The following PEX7 variants were observed in gnomAD, a reference collection of about 807,000 sequenced individuals.
The protein encoded by PEX7 is PTS2 receptor.
A neutral mutation model predicts 47.5 loss-of-function variants in PEX7; 34 were observed. The ratio of observed to expected loss-of-function variants is 0.72; its 90% CI spans 0.54 to 0.95. The LOEUF (loss-of-function observed/expected upper bound fraction) is 0.95. Ranked by LOEUF, PEX7 falls within the 40% of genes least tolerant of loss-of-function variation. The pLI is 0.00. For missense variants in PEX7, 394 were observed against 400.3 expected (o/e 0.98, Z 0.13); for synonymous variants, 141 against 148.8 (o/e 0.95, Z 0.38).
intron 8 of PEX7, among the ~76,000 whole-genome samples, chr6:136,879,246 G>C (rs1206549165): frequency 6.6e-6 from 1 of 151,966 alleles, no homozygotes; most frequent in African/African-American, 2.4e-5. Flanking sequence ...TTATTCCTAA[G>C]TTTCCCTCAT....
intron 8 of PEX7, among the ~76,000 whole-genome samples, chr6:136,894,975 C>T (rs1275749623): frequency 2.6e-5 from 4 of 152,112 alleles, no homozygotes; most frequent in Admixed American, 6.5e-5. Context: ...TTTACTTACG[C>T]GATAGATGCA....
chr6:136,853,809 A>G (rs1415602126), intron 5 of PEX7, among the ~76,000 whole-genome samples: 2 of 152,198 alleles, frequency 1.3e-5, no homozygotes, highest in Non-Finnish European at 2.9e-5. Flanking sequence ...AGTTAATTTA[A>G]GAAAAAATAT....
chr6:136,857,865 C>T (rs528364281), intron 5 of PEX7, among the ~76,000 whole-genome samples: 5 of 152,106 alleles, frequency 3.3e-5, no homozygotes, highest in Non-Finnish European at 5.9e-5. Context: ...CTCTGTTGCC[C>T]GGCTGGAATG....
Position 136,909,423 on chromosome 6 carries a change from C to T in PEX7, c.904-4035C>T, listed in dbSNP as rs532915225. On this transcript the variant is annotated intron_variant, in intron 9 of 9. Coordinates refer to ENST00000318471, the MANE Select transcript of PEX7 (RefSeq NM_000288.4). ...CTTTTTATTATGTGAGGGGCTCTCTCTACTCAACAAAATCTTGCAGTGCTA... is the reference window on the plus strand; with the variant it reads ...CTTTTTATTATGTGAGGGGCTCTCTTTACTCAACAAAATCTTGCAGTGCTA... Among the ~76,000 whole-genome samples the T allele has an allele frequency of 8.5e-5, 13 of 152,298 alleles. No individual in the cohort carries two copies. The South Asian group carries it at 2.5e-3, about 29-fold the overall frequency.
intron 9 of PEX7, among the ~76,000 whole-genome samples, chr6:136,906,163 G>A (rs893420418): frequency 6.6e-6 from 1 of 152,150 alleles, no homozygotes; most frequent in East Asian, 1.9e-4. Context: ...TACGTTAAAG[G>A]TAGGAGCAAG....
intron 8 of PEX7, among the ~76,000 whole-genome samples, chr6:136,885,277 A>T (rs1775450103): frequency 6.6e-6 from 1 of 152,128 alleles, no homozygotes; most frequent in Admixed American, 6.5e-5. Flanking sequence ...TCAGAGTAAC[A>T]CTCCAGTTTC....
chr6:136,826,187 G>C, intron 2 of PEX7, 132 bp from the exon 3 acceptor site: 2 of 969,450 alleles, frequency 2.1e-6, no homozygotes, highest in South Asian at 2.6e-5. Flanking sequence ...TAGTTGTGCA[G>C]ATTACATGAG....
intron 3 of PEX7, among the ~76,000 whole-genome samples, chr6:136,829,062 GA>G (rs1168827497): frequency 1.3e-4 from 20 of 152,162 alleles, no homozygotes. Flanking sequence ...TAGTGTAATA[GA>G]AAACAATTAA....
chr6:136,872,969 A>G (rs978472459), intron 8 of PEX7, among the ~76,000 whole-genome samples: 5 of 152,126 alleles, frequency 3.3e-5, no homozygotes, highest in African/African-American at 1.2e-4. Flanking sequence ...TAGTTTGAAT[A>G]CTATATTCAG....
intron 9 of PEX7, among the ~76,000 whole-genome samples, chr6:136,902,731 A>G (rs1775774594): frequency 6.6e-6 from 1 of 152,104 alleles, no homozygotes; most frequent in African/African-American, 2.4e-5. Context: ...GAATTTCTAT[A>G]TTAGTTTAGA....
At chr6:136,836,283 A>AAT (rs2115150569) in intron 3 of PEX7, among the ~76,000 whole-genome samples, 1 of 152,020 alleles carries the variant, frequency 6.6e-6, no homozygotes, top group Non-Finnish European at 1.5e-5. Context: ...ATATATTATA[A>AAT]ATATATATAG....
intron 5 of PEX7, among the ~76,000 whole-genome samples, chr6:136,864,697 A>T (rs10872462): frequency 0.042 from 6,331 of 152,322 alleles, 146 homozygotes; most frequent in African/African-American, 0.072. Flanking sequence ...AAGATACTTT[A>T]AAAATTTAGC....
At chr6:136,888,418 T>A (rs1234308130) in intron 8 of PEX7, among the ~76,000 whole-genome samples, 1 of 152,186 alleles carries the variant, frequency 6.6e-6, no homozygotes, top group Admixed American at 6.5e-5. Flanking sequence ...TTCTGTGCCT[T>A]CAGATATCTT....
intron 9 of PEX7, among the ~76,000 whole-genome samples, chr6:136,905,042 C>CT (rs1178961456): frequency 2.6e-5 from 4 of 152,134 alleles, no homozygotes; most frequent in African/African-American, 9.7e-5. Flanking sequence ...CCTTTGAAGT[C>CT]TTTTTTATTT....
chr6:136,879,484 T>C (rs1194812200), intron 8 of PEX7, among the ~76,000 whole-genome samples: 3 of 152,240 alleles, frequency 2.0e-5, no homozygotes, highest in Non-Finnish European at 4.4e-5. Flanking sequence ...TTGAGAATTC[T>C]GATGCCAGTC....
chr6:136,891,406 G>A (rs1775552223), intron 8 of PEX7, among the ~76,000 whole-genome samples: 1 of 152,144 alleles, frequency 6.6e-6, no homozygotes, highest in Non-Finnish European at 1.5e-5. Context: ...GGGTATTAGT[G>A]ATTGAGCATT....
At chr6:136,854,510 G>T (rs1031746340) in intron 5 of PEX7, among the ~76,000 whole-genome samples, 1 of 152,144 alleles carries the variant, frequency 6.6e-6, no homozygotes, top group East Asian at 1.9e-4. Flanking sequence ...TAGTATAAAT[G>T]GTAATGAGTT....
chr6:136,856,787 T>C (rs2115193604), intron 5 of PEX7, among the ~76,000 whole-genome samples: 1 of 152,332 alleles, frequency 6.6e-6, no homozygotes, highest in Non-Finnish European at 1.5e-5. Context: ...AAGGGGCCAG[T>C]ATTCACTAAA....
intron 9 of PEX7, among the ~76,000 whole-genome samples, chr6:136,903,626 C>T (rs1401026221): frequency 6.6e-6 from 1 of 151,532 alleles, no homozygotes; most frequent in Non-Finnish European, 1.5e-5. Context: ...AGATTTGGTT[C>T]TGATTTAAAC....
Sources: allele counts gnomAD v4.1 joint callset (sites outside exome capture counted in the v4.1 genomes callset), GRCh38; gene constraint gnomAD v4.1.1; transcripts MANE v1.5; gene names NCBI Gene and HGNC (gene_info 2026-07-23, HGNC 2026-07-21).